Variants in DMD observed in about 807,000 individuals in gnomAD.
The protein encoded by DMD is dystrophin.
In DMD, 63 loss-of-function variants were observed where a neutral mutation model predicts 330.1. The observed-to-expected ratio is 0.19, with a 90% CI of 0.16 to 0.24. The LOEUF is 0.24. Ranked by LOEUF, DMD falls within the 10% of genes least tolerant of loss-of-function variation. DMD has a pLI of 1.00. For synonymous variants in DMD, 1,223 were observed against 959.8 expected (o/e 1.27, Z -5.07); for missense variants, 3,344 against 2,684.1 (o/e 1.25, Z -5.43).
intron 2 of DMD, among the ~76,000 whole-genome samples, chrX:32,952,074 T>C (rs1480476812): frequency 9.0e-6 from 1 of 110,840 alleles, no homozygotes; most frequent in African/African-American, 3.3e-5. Flanking sequence ...TTCCCTTAAA[T>C]GAAAAAGGGC....
chrX:33,183,466 C>T (rs1450886095), intron 1 of DMD, among the ~76,000 whole-genome samples: 1 of 111,787 alleles, frequency 8.9e-6, no homozygotes, highest in Non-Finnish European at 1.9e-5. Context: ...CACACAGCTG[C>T]GCCTCTGGCT....
At chrX:31,451,241 C>T (rs1375754558) in intron 59 of DMD, among the ~76,000 whole-genome samples, 4 of 66,117 alleles carry the variant, frequency 6.0e-5, no homozygotes, top group Admixed American at 1.8e-4. Flanking sequence ...TCTCTTTTTT[C>T]TTTCCTTCCT....
chrX:33,258,270 G>A (rs775884829), intron 1 of DMD, among the ~76,000 whole-genome samples: 5 of 110,939 alleles, frequency 4.5e-5, no homozygotes, highest in Non-Finnish European at 7.6e-5. Context: ...TAAAAGATCC[G>A]CTATATTGTT....
intron 44 of DMD, among the ~76,000 whole-genome samples, chrX:32,120,174 G>A (rs1309001888): frequency 1.8e-5 from 2 of 112,243 alleles, no homozygotes; most frequent in Non-Finnish European, 3.8e-5. Flanking sequence ...GCTCACAAAT[G>A]TGTTGGGATT....
intron 3 of DMD, among the ~76,000 whole-genome samples, chrX:32,849,490 G>T (rs1353197906): frequency 9.0e-6 from 1 of 111,676 alleles, no homozygotes; most frequent in Non-Finnish European, 1.9e-5. Context: ...TAGATACCAA[G>T]TAGTAAAACT....
At chrX:31,291,778 A>G (rs11095206) in intron 62 of DMD, among the ~76,000 whole-genome samples, 47,963 of 109,808 alleles carry the variant, frequency 0.44, 9,081 homozygotes, top group African/African-American at 0.73. Context: ...AGAATAATCC[A>G]CATACCAAAC....
chrX:32,680,052 T>C (rs2062285076), intron 9 of DMD, among the ~76,000 whole-genome samples: 1 of 107,066 alleles, frequency 9.3e-6, no homozygotes, highest in Non-Finnish European at 1.9e-5. Flanking sequence ...TAGCTGGGAA[T>C]ACAGGCATGT....
chrX:32,693,395 T>C (rs924178953), intron 9 of DMD, among the ~76,000 whole-genome samples: 2 of 111,851 alleles, frequency 1.8e-5, no homozygotes, highest in African/African-American at 6.5e-5. Flanking sequence ...GTTATCAGGA[T>C]GGGTTAATTT....
chrX:32,994,207 T>G (rs1233898811), intron 2 of DMD, among the ~76,000 whole-genome samples: 1 of 109,735 alleles, frequency 9.1e-6, no homozygotes, highest in Admixed American at 9.8e-5. Context: ...CAGAGGAAAA[T>G]GGTGGCAGAA....
At chrX:32,465,432 TTTAA>T (rs2098398264) in intron 23 of DMD, among the ~76,000 whole-genome samples, 1 of 111,148 alleles carries the variant, frequency 9.0e-6, no homozygotes, top group Non-Finnish European at 1.9e-5. Context: ...AAGTTTCCCC[TTTAA>T]TGTGATTATT....
intron 16 of DMD, among the ~76,000 whole-genome samples, chrX:32,553,097 C>A (rs1457137877): frequency 3.6e-5 from 4 of 111,657 alleles, no homozygotes; most frequent in Non-Finnish European, 5.7e-5. Context: ...ATCCCTCAAC[C>A]CTAAAGACAC....
chrX:32,090,020 T>C (rs751743062), intron 44 of DMD, among the ~76,000 whole-genome samples: 9 of 112,067 alleles, frequency 8.0e-5, no homozygotes, highest in African/African-American at 1.6e-4. Context: ...TGAAGAACAA[T>C]TGGAATCTTA....
intron 51 of DMD, 150 bp downstream of exon 51, chrX:31,773,810 T>G (rs2090494294): frequency 4.7e-6 from 2 of 427,097 alleles, no homozygotes; most frequent in Non-Finnish European, 8.2e-6. Context: ...TTGATTATAC[T>G]TAGGCTGAAT....
intron 7 of DMD, among the ~76,000 whole-genome samples, chrX:32,713,535 T>TCA (rs1418950230): frequency 1.8e-5 from 2 of 111,901 alleles, no homozygotes; most frequent in Non-Finnish European, 3.8e-5. Context: ...CCCTTTCCTT[T>TCA]CAGCTACTAT....
chrX:32,842,742 G>A lies in DMD; in HGVS notation c.264+2041C>T, dbSNP rs188884585. ...CCAGACTCATCCATGTTGCTGCAAA[G>A]GACATGATCTAATTCTTTTCTGTGG... On this transcript the variant is annotated intron_variant, in intron 4 of 78. Transcript: ENST00000357033. Among the ~76,000 whole-genome samples, 11 of 111,699 alleles carry A rather than the reference G, an allele frequency of 9.8e-5. No individual in the cohort carries two copies. The East Asian group carries it at 2.5e-3, about 26-fold the overall frequency.
intron 77 of DMD, among the ~76,000 whole-genome samples, chrX:31,128,729 A>G (rs2034079940): frequency 1.8e-5 from 2 of 111,144 alleles, no homozygotes; most frequent in Admixed American, 9.6e-5. Context: ...ATGAAAATGG[A>G]CCTCCCAGAG....
chrX:32,041,278 T>A (rs1246514734), intron 44 of DMD, among the ~76,000 whole-genome samples: 2 of 111,909 alleles, frequency 1.8e-5, no homozygotes, highest in East Asian at 5.7e-4. Flanking sequence ...TAGACCTGTT[T>A]CGCCCACATT....
intron 7 of DMD, among the ~76,000 whole-genome samples, chrX:32,731,315 G>A (rs1426208619): frequency 1.8e-5 from 2 of 112,381 alleles, no homozygotes; most frequent in East Asian, 5.6e-4. Flanking sequence ...CAAACTGCAA[G>A]GTGGCAGCAA....
At chrX:32,350,798 A>C (rs1206093363) in intron 37 of DMD, among the ~76,000 whole-genome samples, 1 of 111,371 alleles carries the variant, frequency 9.0e-6, no homozygotes, top group African/African-American at 3.2e-5. Flanking sequence ...GGCTTCTCCT[A>C]ATCTTGCCCC....
Sources: allele counts gnomAD v4.1 joint callset (sites outside exome capture counted in the v4.1 genomes callset), GRCh38; gene constraint gnomAD v4.1.1; transcripts MANE v1.5; gene names NCBI Gene and HGNC (gene_info 2026-07-23, HGNC 2026-07-21).